The following GIPC2 variants were observed in gnomAD, a reference collection of about 807,000 sequenced individuals.
GIPC2 encodes GIPC PDZ domain containing family member 2.
Under a neutral mutation model 30.6 loss-of-function variants are expected in GIPC2, and 30 were observed. The ratio of observed to expected loss-of-function variants is 0.98; its 90% CI spans 0.73 to 1.33. The LOEUF (loss-of-function observed/expected upper bound fraction) is 1.33. Among genes scored for constraint, GIPC2 ranks in the 40% most tolerant of loss-of-function variants. The probability of loss-of-function intolerance (pLI) is 0.00; values close to 1 mark genes in which losing one functional copy is unlikely to be tolerated. For missense variants in GIPC2, 414 were observed against 390.3 expected (o/e 1.06, Z -0.51); for synonymous variants, 167 against 150.0 (o/e 1.11, Z -0.83).
intron 1 of GIPC2, 97 bp downstream of exon 1, chr1:78,046,431 C>T: frequency 8.5e-7 from 1 of 1,176,210 alleles, no homozygotes; most frequent in Non-Finnish European, 1.2e-6. Flanking sequence ...CGGCGTTTCC[C>T]GGAGCGCGAA....
rs182394337 is a variant in GIPC2 at position 78,101,680 on chromosome 1, G to C, written c.607+6548G>C. On this transcript the variant is annotated intron_variant, in intron 3 of 5. Coordinates refer to ENST00000370759, the MANE Select transcript of GIPC2 (RefSeq NM_017655.6). ...CTGGTTACTGATTCAAATTTTCCTTGTTCTAGCCATGAGCTGATGGCAGCA... is the reference window on the plus strand; with the variant it reads ...CTGGTTACTGATTCAAATTTTCCTTCTTCTAGCCATGAGCTGATGGCAGCA... Among the ~76,000 whole-genome samples, 313 of 152,280 alleles carry C rather than the reference G, an allele frequency of 2.1e-3. 4 individuals are homozygous for C. The highest frequency in any genetic ancestry group is 6.8e-3 in the African/African-American group (281 of 41,564).
intron 1 of GIPC2, among the ~76,000 whole-genome samples, chr1:78,076,253 T>C (rs550479528): frequency 2.8e-4 from 42 of 152,362 alleles, no homozygotes; most frequent in African/African-American, 8.4e-4. Flanking sequence ...GAATAGATAC[T>C]GAAGATGTTG....
intron 3 of GIPC2, among the ~76,000 whole-genome samples, chr1:78,105,387 A>G (rs1167810689): frequency 1.3e-5 from 2 of 151,808 alleles, no homozygotes; most frequent in Non-Finnish European, 2.9e-5. Context: ...CCTGGGTTCA[A>G]GCCATTCTCC....
intron 1 of GIPC2, among the ~76,000 whole-genome samples, chr1:78,068,172 G>A (rs928384021): frequency 2.1e-5 from 3 of 145,560 alleles, no homozygotes; most frequent in Non-Finnish European, 3.0e-5. Flanking sequence ...TCTTCATGTC[G>A]TATTTCTAGG....
At chr1:78,053,001 T>C (rs1259068934) in intron 1 of GIPC2, among the ~76,000 whole-genome samples, 2 of 152,062 alleles carry the variant, frequency 1.3e-5, no homozygotes, top group Admixed American at 1.3e-4. Context: ...ATAGAGAAAA[T>C]AGGGTTTTAC....
intron 5 of GIPC2, among the ~76,000 whole-genome samples, chr1:78,134,058 G>C (rs766682135): frequency 3.9e-5 from 6 of 152,112 alleles, no homozygotes; most frequent in Non-Finnish European, 5.9e-5. Context: ...CTTTCTAATG[G>C]AGAATGGTAT....
chr1:78,101,642 TCC>T (rs1206154263), intron 3 of GIPC2, among the ~76,000 whole-genome samples: 11 of 152,148 alleles, frequency 7.2e-5, no homozygotes, highest in Admixed American at 2.0e-4. Context: ...TTAACATGGT[TCC>T]CCCTGGTCAG....
intron 1 of GIPC2, among the ~76,000 whole-genome samples, chr1:78,046,842 T>C (rs1000688230): frequency 1.3e-5 from 2 of 151,860 alleles, no homozygotes; most frequent in Non-Finnish European, 2.9e-5. Context: ...GGGGAAAACA[T>C]TGAAGAGCCT....
intron 5 of GIPC2, among the ~76,000 whole-genome samples, chr1:78,131,771 A>G (rs1662902786): frequency 6.6e-6 from 1 of 152,270 alleles, no homozygotes; most frequent in Non-Finnish European, 1.5e-5. Context: ...AAAATAAAAA[A>G]GCGATGTTTA....
At chr1:78,096,257 G>A (rs1265165012) in intron 3 of GIPC2, among the ~76,000 whole-genome samples, 4 of 152,172 alleles carry the variant, frequency 2.6e-5, no homozygotes, top group African/African-American at 9.6e-5. Flanking sequence ...AGGAAGGAAA[G>A]CAGCACTCAG....
At chr1:78,094,902 T>G in intron 2 of GIPC2, 50 bp from the exon 3 acceptor site, 1 of 1,294,462 alleles carries the variant, frequency 7.7e-7, no homozygotes, top group Non-Finnish European at 1.1e-6. Flanking sequence ...GATTGGTGCA[T>G]TCATTACACA....
intron 4 of GIPC2, among the ~76,000 whole-genome samples, chr1:78,120,052 T>G (rs888837221): frequency 3.3e-5 from 5 of 152,248 alleles, no homozygotes; most frequent in Admixed American, 3.3e-4. Context: ...AGTCCACCTG[T>G]GTTCACCCTT....
At chr1:78,063,506 A>AAC (rs200785861) in intron 1 of GIPC2, among the ~76,000 whole-genome samples, 77 of 149,490 alleles carry the variant, frequency 5.2e-4, no homozygotes, top group Middle Eastern at 6.8e-3. Flanking sequence ...AAAACAAACA[A>AAC]AAAAAAAACC....
intron 1 of GIPC2, among the ~76,000 whole-genome samples, chr1:78,074,802 T>G (rs71641321): frequency 0.011 from 1,726 of 152,322 alleles, 21 homozygotes; most frequent in Non-Finnish European, 0.018. Flanking sequence ...TTGTCTGAAA[T>G]TTTTGTTAGG....
intron 3 of GIPC2, among the ~76,000 whole-genome samples, chr1:78,118,039 C>T (rs1008607603): frequency 6.6e-6 from 1 of 151,780 alleles, no homozygotes; most frequent in African/African-American, 2.4e-5. Flanking sequence ...CCTCCCATCT[C>T]AACCTCCTGA....
chr1:78,121,061 T>C (rs1662672123), intron 4 of GIPC2, among the ~76,000 whole-genome samples: 1 of 152,230 alleles, frequency 6.6e-6, no homozygotes, highest in Non-Finnish European at 1.5e-5. Flanking sequence ...CGATTCCTTT[T>C]AGTTTGAGAA....
chr1:78,060,233 C>A (rs1392111252), intron 1 of GIPC2, among the ~76,000 whole-genome samples: 2 of 151,950 alleles, frequency 1.3e-5, no homozygotes, highest in African/African-American at 4.8e-5. Context: ...AAGCCTCAAC[C>A]TCCTAGGCTC....
intron 1 of GIPC2, among the ~76,000 whole-genome samples, chr1:78,051,755 A>G (rs1661201681): frequency 6.6e-6 from 1 of 152,202 alleles, no homozygotes. Flanking sequence ...TCGGCCTCCC[A>G]AAGTGCTAGG....
chr1:78,072,050 A>G (rs1423299077), intron 1 of GIPC2, among the ~76,000 whole-genome samples: 5 of 152,234 alleles, frequency 3.3e-5, no homozygotes, highest in East Asian at 1.9e-4. Context: ...TGGAGTTCCA[A>G]CTGCACCAAT....
Sources: allele counts gnomAD v4.1 joint callset (sites outside exome capture counted in the v4.1 genomes callset), GRCh38; gene constraint gnomAD v4.1.1; transcripts MANE v1.5; gene names NCBI Gene and HGNC (gene_info 2026-07-23, HGNC 2026-07-21).